Variants in PPP1R1C observed in about 807,000 individuals in gnomAD.
The protein encoded by PPP1R1C is protein phosphatase 1 regulatory subunit 1C.
A neutral mutation model predicts 17.4 loss-of-function variants in PPP1R1C; 15 were observed. The ratio of observed to expected loss-of-function variants is 0.86; its 90% CI spans 0.58 to 1.33. The LOEUF (loss-of-function observed/expected upper bound fraction) is 1.33. PPP1R1C is among the 40% of genes most tolerant of loss of function. The pLI is 0.00. For synonymous variants in PPP1R1C, 35 were observed against 43.1 expected (o/e 0.81, Z 0.73); for missense variants, 143 against 130.0 (o/e 1.10, Z -0.48).
At chr2:181,987,769 G>T in intron 1 of PPP1R1C, 70 bp from the exon 2 acceptor site, 1 of 1,498,148 alleles carries the variant, frequency 6.7e-7, no homozygotes, top group African/African-American at 1.4e-5. Context: ...AGACAGCTTT[G>T]CAAGCTGCAG....
intron 2 of PPP1R1C, among the ~76,000 whole-genome samples, chr2:182,055,640 A>G (rs1341971921): frequency 1.3e-5 from 2 of 152,156 alleles, no homozygotes; most frequent in Non-Finnish European, 2.9e-5. Flanking sequence ...ATTTTACTGA[A>G]TATTGAATTC....
Position 182,002,048 on chromosome 2 carries a change from G to A in PPP1R1C, c.142+14149G>A, listed in dbSNP as rs539154953. On this transcript the variant is annotated intron_variant, in intron 2 of 4. Transcript: ENST00000682840. ...GTTATCTGGGTGCTTATTAACATGC[G>A]TATCATTGTGGACATATTGCTGTTA... 1.7e-4 allele frequency among the ~76,000 whole-genome samples: 26 copies of A among 152,124 alleles called. No homozygotes were observed. In the South Asian group the frequency reaches 4.4e-3, roughly 25 times the overall value.
downstream of PPP1R1C, among the ~76,000 whole-genome samples, chr2:182,120,047 A>G (rs1689694340): frequency 6.6e-6 from 1 of 152,172 alleles, no homozygotes. Flanking sequence ...TAGGTCTAAC[A>G]TTTAAGTCTT....
At chr2:182,082,381 G>A (rs1302619189) in intron 4 of PPP1R1C, among the ~76,000 whole-genome samples, 2 of 152,142 alleles carry the variant, frequency 1.3e-5, no homozygotes, top group Non-Finnish European at 2.9e-5. Flanking sequence ...TTCAAATTAT[G>A]TTTGACAAAC....
At chr2:182,127,055 A>G (rs1689892269) in intron 5 of PPP1R1C, among the ~76,000 whole-genome samples, 1 of 152,132 alleles carries the variant, frequency 6.6e-6, no homozygotes, top group East Asian at 1.9e-4. Flanking sequence ...AGCAGTATAT[A>G]AAATTACCAT....
intron 4 of PPP1R1C, among the ~76,000 whole-genome samples, chr2:182,097,325 C>A (rs549540127): frequency 6.6e-6 from 1 of 152,290 alleles, no homozygotes; most frequent in Admixed American, 6.5e-5. Flanking sequence ...AAAACACAGA[C>A]TCACTCCTGA....
chr2:182,085,197 A>G (rs1688594497), intron 4 of PPP1R1C, among the ~76,000 whole-genome samples: 1 of 152,170 alleles, frequency 6.6e-6, no homozygotes, highest in Non-Finnish European at 1.5e-5. Flanking sequence ...TAATCATATC[A>G]TTAGCAAACA....
Position 182,071,684 on chromosome 2 carries a change from TCTC to T in PPP1R1C, c.241+7901_241+7903del, listed in dbSNP as rs1047474781. 9.2e-5 allele frequency among the ~76,000 whole-genome samples: 14 copies of T among 152,350 alleles called. No individual in the cohort carries two copies. In the East Asian group the frequency reaches 1.2e-3, roughly 13 times the overall value. ...TGAAATTCTTTTGCACAGATTTGTTTCTCCTCCTCCATTGATTTATCTGTTCAT... is the reference window on the plus strand; with the variant it reads ...TGAAATTCTTTTGCACAGATTTGTTTCTCCTCCATTGATTTATCTGTTCAT... On this transcript the variant is annotated intron_variant, in intron 4 of 4. Coordinates refer to ENST00000682840, the MANE Select transcript of PPP1R1C (RefSeq NM_001080545.3).
At chr2:182,056,208 G>A (rs1307569023) in intron 2 of PPP1R1C, among the ~76,000 whole-genome samples, 1 of 152,178 alleles carries the variant, frequency 6.6e-6, no homozygotes, top group East Asian at 1.9e-4. Context: ...CTTCCAGGCA[G>A]CAAGTCTGGC....
chr2:181,969,673 T>C (rs1320275078), intron 1 of PPP1R1C, among the ~76,000 whole-genome samples: 1 of 152,206 alleles, frequency 6.6e-6, no homozygotes, highest in Non-Finnish European at 1.5e-5. Flanking sequence ...AAATTTTCTG[T>C]TATTTCTTTG....
chr2:182,089,663 T>G (rs1372172358), intron 4 of PPP1R1C, among the ~76,000 whole-genome samples: 2 of 152,162 alleles, frequency 1.3e-5, no homozygotes, highest in Non-Finnish European at 2.9e-5. Flanking sequence ...ACAGGTATTA[T>G]TTAAAACAAC....
Position 181,962,249 on chromosome 2 carries a change from A to G in PPP1R1C, n.111+7615A>G. On this transcript the variant is annotated intron_variant and non_coding_transcript_variant, in intron 1 of 5. Transcript: ENST00000464264. This position sits in a 1 kb window ranked among gnomAD's most constrained non-coding sequence, Gnocchi z 6.0. ...TTGCATTGTCTCCTTCTTATTCTGGATGCCTCCCATTCCTGCCAGACCCCC... is the reference window on the plus strand; with the variant it reads ...TTGCATTGTCTCCTTCTTATTCTGGGTGCCTCCCATTCCTGCCAGACCCCC... 2 of 731,346 alleles carry G rather than the reference A, an allele frequency of 2.7e-6. No individual in the cohort carries two copies. The highest frequency in any genetic ancestry group is 1.5e-5 in the South Asian group (1 of 68,424). 45.3% of individuals were successfully genotyped at this position (731,346 alleles called of 1,614,324 possible).
At chr2:182,095,253 C>T (rs543132319) in intron 4 of PPP1R1C, among the ~76,000 whole-genome samples, 3 of 151,966 alleles carry the variant, frequency 2.0e-5, no homozygotes, top group South Asian at 2.1e-4. Flanking sequence ...GAGCTGAGAT[C>T]GTGCCACTGT....
chr2:182,072,297 C>T (rs1688163219), intron 4 of PPP1R1C, among the ~76,000 whole-genome samples: 1 of 152,118 alleles, frequency 6.6e-6, no homozygotes, highest in Non-Finnish European at 1.5e-5. Context: ...TTTGTATTAT[C>T]CCTTTATAAA....
intron 1 of PPP1R1C, among the ~76,000 whole-genome samples, chr2:181,964,986 G>T (rs755113318): frequency 6.6e-6 from 1 of 152,180 alleles, no homozygotes; most frequent in Non-Finnish European, 1.5e-5. Flanking sequence ...GATTACAGGC[G>T]TGAGCCATCG....
chr2:181,967,466 T>C lies in PPP1R1C; in HGVS notation n.112-7753T>C, dbSNP rs1319522827. The stretch of plus-strand genomic sequence containing the variant: ...ACTTTCTTCTTAGTACTGTTTTTGC[T>C]GTATCCTACAGGTTTTGGTACAATG... On this transcript the variant is annotated intron_variant and non_coding_transcript_variant, in intron 1 of 5. Coordinates refer to the PPP1R1C transcript ENST00000464264. The surrounding 1 kb of genome is among the most constrained non-coding windows in gnomAD (Gnocchi z 5.5). Among the ~76,000 whole-genome samples the C allele has an allele frequency of 6.6e-6, 1 of 152,302 alleles. No homozygotes were observed. The highest frequency in any genetic ancestry group is 6.5e-5 in the Admixed American group (1 of 15,296).
At chr2:182,128,419 A>G (rs1404871418) in intron 5 of PPP1R1C, among the ~76,000 whole-genome samples, 1 of 152,064 alleles carries the variant, frequency 6.6e-6, no homozygotes, top group Non-Finnish European at 1.5e-5. Flanking sequence ...GAATCTTGTC[A>G]GGGCCCCTCT....
At chr2:182,006,447 C>T (rs2125152520) in intron 2 of PPP1R1C, among the ~76,000 whole-genome samples, 1 of 152,256 alleles carries the variant, frequency 6.6e-6, no homozygotes, top group Admixed American at 6.5e-5. Context: ...AACAAGATTT[C>T]CTAAGAAGAA....
upstream of PPP1R1C, among the ~76,000 whole-genome samples, chr2:181,981,881 C>T (rs1574350255): frequency 6.6e-6 from 1 of 152,246 alleles, no homozygotes; most frequent in South Asian, 2.1e-4. Flanking sequence ...TCAATGGACT[C>T]ATATCTAGAT....
Sources: gnomAD v4.1 joint callset for allele counts (sites outside exome capture counted in the v4.1 genomes callset) on GRCh38, gnomAD v4.1.1 for gene constraint, Gnocchi (gnomAD v3.1) non-coding constraint, MANE v1.5 for transcripts, NCBI Gene and HGNC (gene_info 2026-07-23, HGNC 2026-07-21) for gene names.